SEMA4C: variants seen among roughly 807,000 people sequenced by gnomAD.
The protein encoded by SEMA4C is semaphorin 4C.
A neutral mutation model predicts 89.0 loss-of-function variants in SEMA4C; 19 were observed. The ratio of observed to expected loss-of-function variants is 0.21; its 90% CI spans 0.15 to 0.31. The LOEUF is 0.31. SEMA4C is among the 10% of genes least tolerant of loss of function. The pLI, the probability that SEMA4C is intolerant of heterozygous loss-of-function variation, is 1.00. For missense variants in SEMA4C, 811 were observed against 1,107.0 expected (o/e 0.73, Z 3.79); for synonymous variants, 428 against 472.7 (o/e 0.91, Z 1.23).
In SEMA4C at chr2:96,863,702, G is replaced by A. The variant is rs1348759684; in HGVS notation, c.1423C>T (p.Leu475=). The A allele has an allele frequency of 6.2e-7, 1 of 1,613,964 alleles. No homozygotes were observed. The highest frequency in any genetic ancestry group is 8.5e-7 in the Non-Finnish European group (1 of 1,180,010). ...ACTACCTTGCTCTGAGATAGCACCAGGCTTCTCATGGGCTCCTGGTCAAAC... is the reference window on the plus strand; with the variant it reads ...ACTACCTTGCTCTGAGATAGCACCAAGCTTCTCATGGGCTCCTGGTCAAAC... ...QLFDQEPMRS[L]VLSQSKKLLF... The change falls in exon 12 of 15, where the codon CTG becomes TTG. Residue 475 remains leucine (L), a synonymous_variant. Coordinates refer to ENST00000305476, the MANE Select transcript of SEMA4C (RefSeq NM_017789.5).
rs2153361989 is a variant in SEMA4C, at chr2:96,861,587, C to T, written c.1664G>A (p.Ser555Asn). ...GGAATGAAAAAGCTCACCTTTCTTA[C>T]TGCCACGGAGGTTGCAGATGCCTGA... Reference protein sequence around the residue: ...DTSGICNLRGSKKVRPTPKNI... With the variant: ...DTSGICNLRGNKKVRPTPKNI... Residue 555 changes from serine to asparagine, a missense_variant, in exon 14 of 15, where the codon AGT becomes AAT. Around this residue, in one of 4 missense-constraint regions of SEMA4C, gnomAD observed 441 missense variants for 664.9 expected, o/e 0.66. Coordinates refer to ENST00000305476, the MANE Select transcript of SEMA4C (RefSeq NM_017789.5). This position sits in a 1 kb window ranked among gnomAD's most constrained non-coding sequence, Gnocchi z 7.8. The T allele has an allele frequency of 1.3e-6, 2 of 1,588,642 alleles. No individual in the cohort carries two copies. The highest frequency in any genetic ancestry group is 1.1e-5 in the South Asian group (1 of 87,816).
intron 2 of SEMA4C, 103 bp downstream of exon 2, chr2:96,867,675 T>C (rs945190999): frequency 4.9e-6 from 6 of 1,218,150 alleles, no homozygotes; most frequent in Non-Finnish European, 7.1e-6. Flanking sequence ...CTCGAGTTTC[T>C]TAGAAAGCTG....
intron 1 of SEMA4C, chr2:96,868,367 C>T: frequency 2.1e-6 from 2 of 958,300 alleles, no homozygotes; most frequent in Non-Finnish European, 2.5e-6. Flanking sequence ...CTTAGGGCGA[C>T]GAGGGCATGC....
Position 96,861,411 on chromosome 2 carries a change from G to C in SEMA4C, c.1717C>G (p.Leu573Val). ...KNITVVAGTD[L>V]VLPCHLSSNL... is the part of the protein sequence containing the mutation. ...GAGGAGAGGTGGCAGGGCAGCACCAGGTCTGTGCCCGCCACCACCGTGATG... is the reference window on the plus strand; with the variant it reads ...GAGGAGAGGTGGCAGGGCAGCACCACGTCTGTGCCCGCCACCACCGTGATG... Residue 573 changes from leucine (L) to valine (V), a missense_variant, in exon 15 of 15, where the codon CTG (leucine) becomes GTG (valine). By Grantham distance (32) the Leu-to-Val change is conservative (BLOSUM62 1). Transcript: ENST00000305476. The surrounding 1 kb of genome is among the most constrained non-coding windows in gnomAD (Gnocchi z 7.8). 5.0e-6 allele frequency: 8 copies of C among 1,611,176 alleles called. No homozygotes were observed. The highest frequency in any genetic ancestry group is 6.8e-6 in the Non-Finnish European group (8 of 1,180,012).
At position 96,869,973 on chromosome 2, in the gene SEMA4C, C is replaced by T. The variant is rs2080169989; in HGVS notation, c.-135G>A. 14 of 986,602 alleles carry T rather than the reference C, an allele frequency of 1.4e-5. No homozygotes were observed. The South Asian group carries it at 6.3e-4, about 45-fold the overall frequency. The allele number at this position is 986,602 out of a possible 1,614,324, so 61.1% of individuals were successfully genotyped here. The stretch of plus-strand genomic sequence containing the variant: ...GCGTCGCCGCCTGCCCGCGCTCGCC[C>T]GCCAGCCCTCCGCGGCCTCTCTGCC... On this transcript the variant is annotated 5_prime_UTR_variant, in exon 1 of 15. Coordinates refer to ENST00000305476, the MANE Select transcript of SEMA4C (RefSeq NM_017789.5).
Sources: gnomAD v4.1 joint callset for allele counts on GRCh38, gnomAD v4.1.1 for gene constraint, gnomAD v4.1.1 regional missense constraint, Gnocchi (gnomAD v3.1) non-coding constraint, MANE v1.5 for transcripts, NCBI Gene and HGNC (gene_info 2026-07-23, HGNC 2026-07-21) for gene names.